NELFB: variants seen among roughly 807,000 people sequenced by gnomAD.
NELFB encodes the protein negative elongation factor complex member B, also known as negative elongation factor B.
Under a neutral mutation model 60.2 loss-of-function variants are expected in NELFB, and 34 were observed. The ratio of observed to expected loss-of-function variants is 0.56; its 90% CI spans 0.43 to 0.75. The LOEUF (loss-of-function observed/expected upper bound fraction) is 0.75. NELFB is among the 30% of genes least tolerant of loss of function. NELFB has a pLI of 0.00. For synonymous variants in NELFB, 459 were observed against 382.1 expected, an observed-to-expected ratio of 1.20 and a Z score of -2.35; for missense variants, 770 against 831.6, an observed-to-expected ratio of 0.93 and a Z score of 0.91.
Position 137,257,073 on chromosome 9 carries a change from T to A in NELFB, c.741+19T>A. On this transcript the variant is annotated intron_variant, in intron 4 of 12. Transcript: ENST00000343053. ...GGGCGAGGTGAGGGGACAGGCCGTG[T>A]GCGGGGTGGGGCACCTCTTGGGGAT... 1 of 1,602,474 alleles carries A rather than the reference T, an allele frequency of 6.2e-7. No homozygotes were observed. Among genetic ancestry groups the A allele is most frequent in the East Asian group, 2.2e-5 (1 of 44,710 alleles).
rs762436675 is a variant in NELFB at position 137,266,369 on chromosome 9, G to A, written c.1182G>A (p.Ala394=). 41 of 1,612,844 alleles carry A rather than the reference G, an allele frequency of 2.5e-5. No homozygotes were observed. Among genetic ancestry groups the A allele is most frequent in the South Asian group, 2.2e-4 (20 of 91,090 alleles). Residue 394 remains alanine, a synonymous_variant, in exon 8 of 13, where the codon GCG becomes GCA. Coordinates refer to ENST00000343053, the MANE Select transcript of NELFB (RefSeq NM_015456.5). Reference sequence around the variant, plus strand: ...TCCTGCTGCTGCTCCGGCTGCTGGCGCTGGGCCAGGGAGCCTGGGACATGA... The same window carrying A: ...TCCTGCTGCTGCTCCGGCTGCTGGCACTGGGCCAGGGAGCCTGGGACATGA...
chr9:137,272,154 C>T lies in NELFB; in HGVS notation c.1563C>T (p.Ala521=), dbSNP rs774945455. 12 of 1,614,090 alleles carry T rather than the reference C, an allele frequency of 7.4e-6. No homozygotes were observed. The highest frequency in any genetic ancestry group is 5.5e-5 in the South Asian group (5 of 91,090). ...TCACGGGCAACCTTGCGCTGCTGGC[C>T]GACGAATTTGCCCTTGAGGACTTCT... is the stretch of plus-strand genomic sequence containing the variant. The change falls in exon 11 of 13, where the codon GCC becomes GCT. Residue 521 remains alanine (A), a synonymous_variant. Transcript: ENST00000343053.
chr9:137,261,970 C>T (rs1830452093), intron 4 of NELFB, among the ~76,000 whole-genome samples: 1 of 119,588 alleles, frequency 8.4e-6, no homozygotes, highest in Non-Finnish European at 1.9e-5. Flanking sequence ...CCCTGCCTGG[C>T]AGCCTAGGCA....
chr9:137,272,045 T>G (rs1461659806), intron 10 of NELFB, 36 bp from the exon 11 acceptor site: 1 of 1,612,604 alleles, frequency 6.2e-7, no homozygotes, highest in East Asian at 2.2e-5. Context: ...GTGGGCAGGG[T>G]GAGTGGCACT....
chr9:137,272,952 G>C lies in NELFB; in HGVS notation c.*24G>C. On this transcript the variant is annotated 3_prime_UTR_variant, in exon 13 of 13. Transcript: ENST00000343053. ...GAGGGCCCTCCAGACCTGCTCGGGT[G>C]CTGGGGCCATGCCGAGTCGCGGCCC... 1 of 1,487,676 alleles carries C rather than the reference G, an allele frequency of 6.7e-7. No individual in the cohort carries two copies. The highest frequency in any genetic ancestry group is 1.3e-5 in the South Asian group (1 of 76,406). The allele number at this position is 1,487,676 out of a possible 1,614,324, so 92.2% of individuals were successfully genotyped here. A position where few individuals can be genotyped will look rare whatever the true frequency, so the allele number is the denominator to read the frequency against.
chr9:137,265,726 G>C (rs571456323), intron 6 of NELFB, 151 bp from the exon 7 acceptor site: 1 of 601,022 alleles, frequency 1.7e-6, no homozygotes, highest in Non-Finnish European at 3.1e-6. Flanking sequence ...CGCCGCGCTC[G>C]GCCATCCTTA....
rs569530780 is a variant in NELFB, at chr9:137,269,015, G to A, written c.1489+1669G>A. Among the ~76,000 whole-genome samples the A allele has an allele frequency of 3.9e-5, 6 of 152,064 alleles. No individual in the cohort carries two copies. Among genetic ancestry groups the A allele is most frequent in the Non-Finnish European group, 5.9e-5 (4 of 68,038 alleles). On this transcript the variant is annotated intron_variant, in intron 10 of 12. Transcript: ENST00000343053. The surrounding 1 kb of genome is among the most constrained non-coding windows in gnomAD (Gnocchi z 5.3). ...ACAGCGAGAACGCTTTGGTGAGGAC[G>A]GAGCCCTCACGACCTCAGCAGTGTT...
chr9:137,267,226 C>G lies in NELFB; in HGVS notation c.1383-14C>G. 1.2e-6 allele frequency: 2 copies of G among 1,609,576 alleles called. No individual in the cohort carries two copies. The highest frequency in any genetic ancestry group is 1.1e-5 in the South Asian group (1 of 90,848). On this transcript the variant is annotated splice_polypyrimidine_tract_variant and intron_variant, in intron 9 of 12. Coordinates refer to ENST00000343053, the MANE Select transcript of NELFB (RefSeq NM_015456.5). The stretch of plus-strand genomic sequence containing the variant: ...GGTGGGGCTGAGGTGGGGCTGATGG[C>G]GCCCCGGGCGCAGGTTTCTGCAGGA...
rs772331720 is a variant in NELFB at position 137,266,333 on chromosome 9, C to T, written c.1146C>T (p.Asp382=). 14 of 1,612,428 alleles carry T rather than the reference C, an allele frequency of 8.7e-6. No individual in the cohort carries two copies. The highest frequency in any genetic ancestry group is 2.7e-5 in the African/African-American group (2 of 74,948). ...CGCTGAGCCCGTCCTCCCTACAGGA[C>T]AGCCCCGACCTCCTGCTGCTGCTCC... Residue 382 remains aspartate (D), a splice_region_variant and synonymous_variant, in exon 8 of 13, where the codon GAC becomes GAT. Coordinates refer to ENST00000343053, the MANE Select transcript of NELFB (RefSeq NM_015456.5).
In NELFB at chr9:137,264,415, C is replaced by T. The variant is rs952262825; in HGVS notation, c.1040+58C>T. ...CAGGGCCCTGCGTGCATCCGGTCTGCGCTTGCTGTGTTTTGCCGTGGGTAG... is the reference window on the plus strand; with the variant it reads ...CAGGGCCCTGCGTGCATCCGGTCTGTGCTTGCTGTGTTTTGCCGTGGGTAG... On this transcript the variant is annotated intron_variant, in intron 6 of 12. Coordinates refer to ENST00000343053, the MANE Select transcript of NELFB (RefSeq NM_015456.5). 1.9e-5 allele frequency: 25 copies of T among 1,321,538 alleles called. 1 individual carries two copies. The highest frequency in any genetic ancestry group is 7.5e-5 in the South Asian group (6 of 79,886). 81.9% of individuals were successfully genotyped at this position (1,321,538 alleles called of 1,614,324 possible). A position where few individuals can be genotyped will look rare whatever the true frequency, so the allele number is the denominator to read the frequency against.
Position 137,261,816 on chromosome 9 carries a change from C to A in NELFB, c.742-1221C>A, listed in dbSNP as rs113542502. On this transcript the variant is annotated intron_variant, in intron 4 of 12. Coordinates refer to ENST00000343053, the MANE Select transcript of NELFB (RefSeq NM_015456.5). ...GCCCGGGGGACCATTACCACCAAGA[C>A]GCGGAGACTGGTAGTGGCCCCGAAT... is the stretch of plus-strand genomic sequence containing the variant. Among the ~76,000 whole-genome samples, 1,394 of 151,940 alleles carry A rather than the reference C, an allele frequency of 9.2e-3. 21 individuals are homozygous for A. The highest frequency in any genetic ancestry group is 0.039 in the East Asian group (201 of 5,176).
chr9:137,263,056 G>T lies in NELFB; in HGVS notation c.761G>T (p.Arg254Leu). ...CTGCAGGTGGTGCAGCGGCTGACGC[G>T]GATGGTGGGGAAGAACGTGAAGCTG... is the stretch of plus-strand genomic sequence containing the variant. Residue 254 changes from arginine to leucine, a missense_variant, in exon 5 of 13, where the codon CGG (arginine) becomes CTG (leucine). By Grantham distance (102) the Arg-to-Leu change is moderately radical. Transcript: ENST00000343053. 2 of 1,613,006 alleles carry T rather than the reference G, an allele frequency of 1.2e-6. No homozygotes were observed. Among genetic ancestry groups the T allele is most frequent in the Non-Finnish European group, 1.7e-6 (2 of 1,179,150 alleles).
At chr9:137,267,176 C>T (rs993102900) in intron 9 of NELFB, 64 bp from the exon 10 acceptor site, 20 of 1,607,206 alleles carry the variant, frequency 1.2e-5, no homozygotes, top group Admixed American at 8.4e-5. Flanking sequence ...GGGCAGGGGT[C>T]GGTGTGGGGC....
rs767297219 is a variant in NELFB, at chr9:137,266,402, C to A, written c.1215C>A (p.Ser405Arg). Residue 405 changes from serine (S) to arginine (R), a missense_variant, in exon 8 of 13, where the codon AGC (serine) becomes AGA (arginine). Ser to Arg is a moderately radical substitution (Grantham distance 110). Coordinates refer to ENST00000343053, the MANE Select transcript of NELFB (RefSeq NM_015456.5). Reference sequence around the variant, plus strand: ...AGGGAGCCTGGGACATGATCGACAGCCAGGTCTTCAAGGAGCCCAAGATGG... The same window carrying A: ...AGGGAGCCTGGGACATGATCGACAGACAGGTCTTCAAGGAGCCCAAGATGG... 6 of 1,612,938 alleles carry A rather than the reference C, an allele frequency of 3.7e-6. No homozygotes were observed. In the East Asian group the frequency reaches 6.7e-5, roughly 18 times the overall value.
rs1434760631 is a variant in NELFB, at chr9:137,272,285, A to C, written c.1631+63A>C. ...CTCAGCTCTTGTCCGTAGCAGCCTGAGAGGTGGCTGCTGTCCCCAGCCTGG... is the reference window on the plus strand; with the variant it reads ...CTCAGCTCTTGTCCGTAGCAGCCTGCGAGGTGGCTGCTGTCCCCAGCCTGG... On this transcript the variant is annotated intron_variant, in intron 11 of 12. Transcript: ENST00000343053. 4 of 1,593,590 alleles carry C rather than the reference A, an allele frequency of 2.5e-6. No homozygotes were observed. The East Asian group carries it at 9.0e-5, about 36-fold the overall frequency.
chr9:137,261,139 G>A (rs1281113693), intron 4 of NELFB, among the ~76,000 whole-genome samples: 3 of 149,230 alleles, frequency 2.0e-5, no homozygotes, highest in East Asian at 2.0e-4. Context: ...TCAGGAGATC[G>A]AGACCATCCT....
At chr9:137,260,436 T>C (rs1216261510) in intron 4 of NELFB, among the ~76,000 whole-genome samples, 10 of 145,310 alleles carry the variant, frequency 6.9e-5, no homozygotes, top group Non-Finnish European at 1.2e-4. Flanking sequence ...TATTTTGTTT[T>C]ATTTTATTTT....
At chr9:137,264,041 C>A (rs539197276) in intron 5 of NELFB, among the ~76,000 whole-genome samples, 2 of 152,350 alleles carry the variant, frequency 1.3e-5, no homozygotes, top group South Asian at 4.1e-4. Context: ...AACATCATCA[C>A]TTTCTCCACC....
intron 8 of NELFB, 70 bp from the exon 9 acceptor site, chr9:137,266,874 G>T: frequency 6.4e-7 from 1 of 1,571,178 alleles, no homozygotes; most frequent in Non-Finnish European, 8.6e-7. Context: ...GGGGCAGGGT[G>T]TGTGTCACGT....
Sources: gnomAD v4.1 joint callset for allele counts (sites outside exome capture counted in the v4.1 genomes callset) on GRCh38, gnomAD v4.1.1 for gene constraint, Gnocchi (gnomAD v3.1) non-coding constraint, MANE v1.5 for transcripts, NCBI Gene and HGNC (gene_info 2026-07-23, HGNC 2026-07-21) for gene names.